The following FOXRED2 variants were observed in gnomAD, a reference collection of about 807,000 sequenced individuals.
The protein encoded by FOXRED2 is FAD dependent oxidoreductase domain containing 2.
In FOXRED2, 32 loss-of-function variants were observed where a neutral mutation model predicts 52.5. That is an observed-to-expected ratio of 0.61 (90% CI 0.46 to 0.82). The LOEUF is 0.82. FOXRED2 is among the 40% of genes least tolerant of loss of function. The pLI, the probability that FOXRED2 is intolerant of heterozygous loss-of-function variation, is 0.00. For synonymous variants in FOXRED2, 405 were observed against 398.1 expected, an observed-to-expected ratio of 1.02 and a Z score of -0.21; for missense variants, 848 against 937.5, an observed-to-expected ratio of 0.90 and a Z score of 1.25.
Position 36,501,346 on chromosome 22 carries a change from A to G in FOXRED2, c.1111T>C (p.Tyr371His). The G allele has an allele frequency of 6.2e-7, 1 of 1,614,148 alleles. No individual in the cohort carries two copies. The highest frequency in any genetic ancestry group is 8.5e-7 in the Non-Finnish European group (1 of 1,180,026). Reference sequence around the variant, plus strand: ...AGACCCCGGCTTCCTTTGGATTCGTAGCTAGCTCGAATCAGCGGGTACTTC... The same window carrying G: ...AGACCCCGGCTTCCTTTGGATTCGTGGCTAGCTCGAATCAGCGGGTACTTC... ...GKKYPLIRAS[Y>H]ESKGSRGLFI... is the part of the protein sequence containing the mutation. The change falls in exon 5 of 9, where the codon TAC (tyrosine) becomes CAC (histidine). Residue 371 changes from tyrosine to histidine, a missense_variant. Coordinates refer to ENST00000397224, the MANE Select transcript of FOXRED2 (RefSeq NM_001102371.2).
At position 36,494,135 on chromosome 22, in the gene FOXRED2, T is replaced by G. The variant is rs573208540; in HGVS notation, c.1625-332A>C. 3.9e-5 allele frequency among the ~76,000 whole-genome samples: 6 copies of G among 152,318 alleles called. No homozygotes were observed. In the East Asian group the frequency reaches 1.2e-3, roughly 29 times the overall value. On this transcript the variant is annotated intron_variant, in intron 7 of 8. Transcript: ENST00000397224. ...CTTTTTATTTTGTATTATTATTTGT[T>G]GGAGACAGTCTCGCTCTATTGCCCA...
At chr22:36,505,258 G>T (rs928718663) in intron 2 of FOXRED2, among the ~76,000 whole-genome samples, 3 of 152,228 alleles carry the variant, frequency 2.0e-5, no homozygotes, top group African/African-American at 7.2e-5. Context: ...CCTGGAGGTG[G>T]TATGTGGCCT....
At position 36,502,997 on chromosome 22, in the gene FOXRED2, T is replaced by TC. The variant is rs111598792; in HGVS notation, c.1049+1100_1049+1101insG. Among the ~76,000 whole-genome samples, 379 of 149,288 alleles carry TC rather than the reference T, an allele frequency of 2.5e-3. 2 individuals are homozygous for TC. The highest frequency in any genetic ancestry group is 8.5e-3 in the African/African-American group (345 of 40,714). ...TGAGCTACTGTGACCAGCCATCTCT[T>TC]TTTTTTTTTGAGACAGGGTCTCACT... On this transcript the variant is annotated intron_variant, in intron 4 of 8. Coordinates refer to ENST00000397224, the MANE Select transcript of FOXRED2 (RefSeq NM_001102371.2).
In FOXRED2 at chr22:36,489,336, TC is replaced by T. The variant is rs1379736891; in HGVS notation, c.*671del. The stretch of plus-strand genomic sequence containing the variant: ...TTGCAGGGAGCTGTCCTATCGCTGC[TC>T]GAGATCAGCCTGCTGGGCCTATGAT... On this transcript the variant is annotated 3_prime_UTR_variant, in exon 9 of 9. Transcript: ENST00000397224. The T allele has an allele frequency of 3.9e-5, 6 of 152,174 alleles. No homozygotes were observed. The highest frequency in any genetic ancestry group is 8.8e-5 in the Non-Finnish European group (6 of 68,052). The allele number at this position is 152,174 out of a possible 1,614,324, so 9.4% of individuals were successfully genotyped here.
chr22:36,501,145 C>T (rs1007187188), intron 5 of FOXRED2, 96 bp downstream of exon 5: 17 of 1,277,900 alleles, frequency 1.3e-5, no homozygotes, highest in Non-Finnish European at 1.9e-5. Flanking sequence ...ACAAGCAATC[C>T]CCTAATGCTT....
intron 5 of FOXRED2, among the ~76,000 whole-genome samples, chr22:36,500,008 C>T (rs1310145566): frequency 6.6e-6 from 1 of 152,080 alleles, no homozygotes; most frequent in Non-Finnish European, 1.5e-5. Context: ...ACCATACTGG[C>T]CAGGCTGGTC....
chr22:36,491,817 C>T (rs762123170), intron 8 of FOXRED2, among the ~76,000 whole-genome samples: 11 of 152,116 alleles, frequency 7.2e-5, no homozygotes, highest in Non-Finnish European at 1.3e-4. Flanking sequence ...CAGACTAATA[C>T]AGTGAGAAAA....
chr22:36,499,254 T>G (rs1209974716), intron 5 of FOXRED2, among the ~76,000 whole-genome samples: 1 of 152,104 alleles, frequency 6.6e-6, no homozygotes, highest in East Asian at 1.9e-4. Context: ...AAAAGAAATA[T>G]AAATATTGAA....
At chr22:36,501,033 G>A (rs923822935) in intron 5 of FOXRED2, among the ~76,000 whole-genome samples, 3 of 152,172 alleles carry the variant, frequency 2.0e-5, no homozygotes, top group African/African-American at 7.2e-5. Context: ...AGGACTACAG[G>A]CGTGGACTTT....
intron 5 of FOXRED2, among the ~76,000 whole-genome samples, chr22:36,500,200 C>T (rs1568990490): frequency 6.6e-6 from 1 of 152,186 alleles, no homozygotes; most frequent in Non-Finnish European, 1.5e-5. Flanking sequence ...AGGAAAGCTC[C>T]TGGGCCTTGG....
In FOXRED2 at chr22:36,489,997, G is replaced by C. The variant is rs1289512739; in HGVS notation, c.*11C>G. The C allele has an allele frequency of 3.9e-6, 6 of 1,557,106 alleles. No individual in the cohort carries two copies. The highest frequency in any genetic ancestry group is 5.2e-6 in the Non-Finnish European group (6 of 1,147,298). On this transcript the variant is annotated 3_prime_UTR_variant, in exon 9 of 9. Transcript: ENST00000397224. ...GCCTGGCCACTGTGCCCACAGCTTA[G>C]GAAGGGACAGTCAGAGCTCCTCTTT... is the stretch of plus-strand genomic sequence containing the variant.
chr22:36,500,038 T>G (rs1161734977), intron 5 of FOXRED2, among the ~76,000 whole-genome samples: 1 of 152,118 alleles, frequency 6.6e-6, no homozygotes, highest in Admixed American at 6.6e-5. Context: ...TGCCCTCAGG[T>G]GATCCACCCA....
At position 36,498,169 on chromosome 22, in the gene FOXRED2, G is replaced by A. The variant is rs1173277139; in HGVS notation, c.1217-13C>T. On this transcript the variant is annotated splice_polypyrimidine_tract_variant and intron_variant, in intron 5 of 8. Transcript: ENST00000397224. ...TGAACAGCACGCACTGGAACAGCCAGAGGGAGGAACGGCACGCTGCACTTA... is the reference window on the plus strand; with the variant it reads ...TGAACAGCACGCACTGGAACAGCCAAAGGGAGGAACGGCACGCTGCACTTA... 1 of 1,607,190 alleles carries A rather than the reference G, an allele frequency of 6.2e-7. No individual in the cohort carries two copies. The highest frequency in any genetic ancestry group is 2.1e-4 in the Middle Eastern group (1 of 4,748).
chr22:36,505,814 C>T (rs960169958), intron 2 of FOXRED2, 82 bp downstream of exon 2: 52 of 1,430,822 alleles, frequency 3.6e-5, no homozygotes, highest in Non-Finnish European at 4.4e-5. Context: ...CCATTCCTCC[C>T]ATACCTACTG....
At chr22:36,501,907 T>C (rs1453308840) in intron 4 of FOXRED2, among the ~76,000 whole-genome samples, 19 of 152,056 alleles carry the variant, frequency 1.2e-4, no homozygotes, top group Non-Finnish European at 2.9e-5. Flanking sequence ...GGCTCACGCC[T>C]GTAATCCCAG....
chr22:36,498,605 C>A (rs377749127), intron 5 of FOXRED2, among the ~76,000 whole-genome samples: 7 of 152,316 alleles, frequency 4.6e-5, no homozygotes, highest in South Asian at 2.1e-4. Context: ...AACCTCCCCC[C>A]CTTCACAGCT....
intron 8 of FOXRED2, among the ~76,000 whole-genome samples, chr22:36,490,515 A>C (rs1379542716): frequency 6.6e-6 from 1 of 152,242 alleles, no homozygotes; most frequent in East Asian, 1.9e-4. Context: ...ACAAGGCTCC[A>C]AAATAAAAGC....
At chr22:36,502,983 G>A (rs563512676) in intron 4 of FOXRED2, among the ~76,000 whole-genome samples, 1 of 136,838 alleles carries the variant, frequency 7.3e-6, no homozygotes, top group East Asian at 2.0e-4. Flanking sequence ...GAGCTACTGT[G>A]ACCAGCCATC....
intron 8 of FOXRED2, among the ~76,000 whole-genome samples, chr22:36,492,066 C>A (rs1933770406): frequency 6.6e-6 from 1 of 152,148 alleles, no homozygotes; most frequent in South Asian, 2.1e-4. Flanking sequence ...CTGAAAGGTG[C>A]TCCAGAAATA....
Sources: allele counts gnomAD v4.1 joint callset (sites outside exome capture counted in the v4.1 genomes callset), GRCh38; gene constraint gnomAD v4.1.1; transcripts MANE v1.5; gene names NCBI Gene and HGNC (gene_info 2026-07-23, HGNC 2026-07-21).